Variants in RBFOX1 observed in about 807,000 individuals in gnomAD.
The protein encoded by RBFOX1 is RNA binding protein fox-1 homolog 1.
In RBFOX1, 8 loss-of-function variants were observed where a neutral mutation model predicts 57.7. That is an observed-to-expected ratio of 0.14 (90% CI 0.08 to 0.25). The LOEUF is 0.25. Among genes scored for constraint, RBFOX1 ranks in the 10% least tolerant of loss-of-function variants. The pLI is 1.00. For missense variants in RBFOX1, 611 were observed against 548.5 expected (o/e 1.11, Z -1.14); for synonymous variants, 326 against 222.4 (o/e 1.47, Z -4.15).
chr16:7,408,056 C>T (rs4624198), intron 4 of RBFOX1, among the ~76,000 whole-genome samples: 95,776 of 152,040 alleles, frequency 0.63, 30,775 homozygotes, highest in East Asian at 0.88. Flanking sequence ...CTTTACACAA[C>T]TGGATGCTGG....
intron 3 of RBFOX1, among the ~76,000 whole-genome samples, chr16:6,900,833 G>T (rs1358924399): frequency 6.6e-6 from 1 of 152,174 alleles, no homozygotes; most frequent in Non-Finnish European, 1.5e-5. Context: ...TGTTATGGTT[G>T]TTGAGTGTTT....
chr16:7,102,817 T>C (rs549713604), intron 4 of RBFOX1, among the ~76,000 whole-genome samples: 2 of 152,324 alleles, frequency 1.3e-5, no homozygotes, highest in East Asian at 3.9e-4. Flanking sequence ...ACCAGCAATT[T>C]TTTTGAGATT....
At chr16:6,746,215 G>A (rs1368578001) in intron 3 of RBFOX1, among the ~76,000 whole-genome samples, 1 of 151,982 alleles carries the variant, frequency 6.6e-6, no homozygotes, top group Admixed American at 6.6e-5. Flanking sequence ...TCAACACAAT[G>A]CCAATCAAAC....
rs942920845 is a variant in RBFOX1 at position 6,607,786 on chromosome 16, C to T, written c.-63-46817C>T. On this transcript the variant is annotated intron_variant, in intron 2 of 15. Transcript: ENST00000550418. ...AATTCAGTGTCTACAACATAGCTCC[C>T]GAATAATGTTTCACATCCTAATGAG... Among the ~76,000 whole-genome samples, 3 of 152,138 alleles carry T rather than the reference C, an allele frequency of 2.0e-5. No individual in the cohort carries two copies. In the East Asian group the frequency reaches 5.8e-4, roughly 29 times the overall value.
intron 3 of RBFOX1, among the ~76,000 whole-genome samples, chr16:7,028,781 C>A (rs541083195): frequency 7.9e-5 from 12 of 151,302 alleles, no homozygotes; most frequent in Admixed American, 5.9e-4. Flanking sequence ...AGTTTGGAAA[C>A]CATGGAACAT....
intron 4 of RBFOX1, among the ~76,000 whole-genome samples, chr16:7,361,093 G>A (rs1430378034): frequency 6.6e-6 from 1 of 152,152 alleles, no homozygotes; most frequent in Non-Finnish European, 1.5e-5. Flanking sequence ...CTTGGCCATT[G>A]TTGAAGACCA....
intron 4 of RBFOX1, among the ~76,000 whole-genome samples, chr16:7,469,800 G>T (rs1244031597): frequency 6.6e-6 from 1 of 152,046 alleles, no homozygotes; most frequent in African/African-American, 2.4e-5. Flanking sequence ...TTTTCATCTT[G>T]TGAAACTGAA....
chr16:7,389,533 C>T (rs956642154), intron 4 of RBFOX1, among the ~76,000 whole-genome samples: 3 of 152,188 alleles, frequency 2.0e-5, no homozygotes, highest in African/African-American at 7.2e-5. Flanking sequence ...ATTGCTTAAT[C>T]TTGCGAACAA....
intron 3 of RBFOX1, among the ~76,000 whole-genome samples, chr16:6,941,487 G>A (rs1038739932): frequency 1.3e-5 from 2 of 151,880 alleles, no homozygotes; most frequent in African/African-American, 4.8e-5. Flanking sequence ...GTAAACTTTT[G>A]ATCTATTCTT....
At chr16:6,185,086 A>T (rs1238085761) in intron 1 of RBFOX1, among the ~76,000 whole-genome samples, 1 of 152,170 alleles carries the variant, frequency 6.6e-6, no homozygotes, top group Non-Finnish European at 1.5e-5. Context: ...GAGGTTTGAT[A>T]TGGAGATATA....
chr16:6,750,442 C>G (rs927783642), intron 3 of RBFOX1, among the ~76,000 whole-genome samples: 1 of 152,150 alleles, frequency 6.6e-6, no homozygotes, highest in Admixed American at 6.5e-5. Context: ...ATTATGTTTT[C>G]AGTCTACCAA....
chr16:6,924,858 C>A (rs1156377161), intron 3 of RBFOX1, among the ~76,000 whole-genome samples: 1 of 122,016 alleles, frequency 8.2e-6, no homozygotes, highest in East Asian at 2.9e-4. Flanking sequence ...CCACAACAGT[C>A]CCTGGTGTGT....
At chr16:6,627,127 G>T (rs1211845490) in intron 2 of RBFOX1, among the ~76,000 whole-genome samples, 1 of 152,124 alleles carries the variant, frequency 6.6e-6, no homozygotes, top group Non-Finnish European at 1.5e-5. Context: ...GCCTCCCAAA[G>T]CTGAAATTAG....
intron 4 of RBFOX1, among the ~76,000 whole-genome samples, chr16:7,201,347 T>C (rs7500515): frequency 0.57 from 86,132 of 151,792 alleles, 24,605 homozygotes; most frequent in Middle Eastern, 0.61. Flanking sequence ...AGAGATCAAG[T>C]CCTGTGTCTC....
At chr16:5,580,542 G>T (rs1351123854) in intron 2 of RBFOX1, among the ~76,000 whole-genome samples, 1 of 152,204 alleles carries the variant, frequency 6.6e-6, no homozygotes, top group East Asian at 1.9e-4. Context: ...AGGGCTGCTT[G>T]GCTGAGGTGC....
chr16:5,875,391 C>T (rs982439034), intron 4 of RBFOX1, among the ~76,000 whole-genome samples: 1 of 152,054 alleles, frequency 6.6e-6, no homozygotes, highest in Non-Finnish European at 1.5e-5. Flanking sequence ...ATCTCCAGTC[C>T]CAGTGAGTGG....
intron 3 of RBFOX1, among the ~76,000 whole-genome samples, chr16:5,751,819 A>G (rs375118112): frequency 5.3e-5 from 8 of 152,178 alleles, no homozygotes; most frequent in Non-Finnish European, 7.4e-5. Flanking sequence ...TTTATTCCTT[A>G]TTGGTGGGAA....
chr16:7,299,798 G>T (rs988795572), intron 4 of RBFOX1, among the ~76,000 whole-genome samples: 7 of 152,202 alleles, frequency 4.6e-5, no homozygotes, highest in African/African-American at 1.7e-4. Flanking sequence ...TGACCCAAGA[G>T]AACTACAGAA....
At chr16:7,627,484 G>T (rs74011143) in intron 10 of RBFOX1, among the ~76,000 whole-genome samples, 14,447 of 152,220 alleles carry the variant, frequency 0.095, 848 homozygotes, top group African/African-American at 0.16. Flanking sequence ...ATGTCATCAT[G>T]TGATACAAAT....
Sources: gnomAD v4.1 joint callset for allele counts (sites outside exome capture counted in the v4.1 genomes callset) on GRCh38, gnomAD v4.1.1 for gene constraint, MANE v1.5 for transcripts, NCBI Gene and HGNC (gene_info 2026-07-23, HGNC 2026-07-21) for gene names.